The following KDM6A variants were observed in gnomAD, a reference collection of about 807,000 sequenced individuals.
KDM6A encodes the protein lysine demethylase 6A, also known as lysine-specific demethylase 6A.
Under a neutral mutation model 117.6 loss-of-function variants are expected in KDM6A, and 11 were observed. That is an observed-to-expected ratio of 0.09 (90% CI 0.06 to 0.15). KDM6A has a LOEUF of 0.15. Among genes scored for constraint, KDM6A ranks in the 10% least tolerant of loss-of-function variants. KDM6A has a pLI of 1.00. For synonymous variants in KDM6A, 384 were observed against 396.1 expected (o/e 0.97, Z 0.36); for missense variants, 799 against 1,077.3 (o/e 0.74, Z 3.62).
rs1456586237 is a variant in KDM6A at position 44,911,190 on chromosome X, C to T, written c.225+37203C>T. On this transcript the variant is annotated intron_variant, in intron 2 of 29. Transcript: ENST00000611820. ...CGGGGGCTGCCCCCCACCTCCCGGACGGGGTGGCTGCCGGGCGGAGACACT... is the reference window on the plus strand; with the variant it reads ...CGGGGGCTGCCCCCCACCTCCCGGATGGGGTGGCTGCCGGGCGGAGACACT... Among the ~76,000 whole-genome samples the T allele has an allele frequency of 1.7e-4, 18 of 108,317 alleles. No homozygotes were observed. In the South Asian group the frequency reaches 3.2e-3, roughly 19 times the overall value. 94.1% of individuals were successfully genotyped at this position (108,317 alleles called of 115,157 possible).
chrX:45,057,380 C>G (rs1343150024), intron 10 of KDM6A, among the ~76,000 whole-genome samples: 1 of 111,380 alleles, frequency 9.0e-6, no homozygotes, highest in African/African-American at 3.3e-5. Context: ...CAGCCCCCAC[C>G]CTGTGAACAT....
At chrX:45,076,012 A>T (rs2045096357) in intron 18 of KDM6A, among the ~76,000 whole-genome samples, 1 of 111,487 alleles carries the variant, frequency 9.0e-6, no homozygotes, top group South Asian at 3.7e-4. Flanking sequence ...TTGTACTGAA[A>T]GAATTATTGT....
intron 2 of KDM6A, among the ~76,000 whole-genome samples, chrX:44,903,721 G>A (rs1171140165): frequency 9.0e-6 from 1 of 110,931 alleles, no homozygotes; most frequent in East Asian, 2.8e-4. Flanking sequence ...GAATATTTGA[G>A]GCTGTCGAGC....
At chrX:44,997,393 C>T (rs1320300247) in intron 4 of KDM6A, among the ~76,000 whole-genome samples, 5 of 111,813 alleles carry the variant, frequency 4.5e-5, no homozygotes, top group Non-Finnish European at 7.5e-5. Flanking sequence ...AGTGGCCTGC[C>T]GGTGTGCCAG....
intron 8 of KDM6A, among the ~76,000 whole-genome samples, chrX:45,040,386 C>G (rs866041914): frequency 3.4e-4 from 31 of 90,522 alleles, no homozygotes; most frequent in African/African-American, 1.2e-3. Flanking sequence ...GGGCGGCTGG[C>G]CAGGCGGGGG....
intron 6 of KDM6A, among the ~76,000 whole-genome samples, chrX:45,027,951 G>A (rs1307971625): frequency 9.1e-6 from 1 of 110,051 alleles, no homozygotes; most frequent in Non-Finnish European, 1.9e-5. Flanking sequence ...ATGCCACCAC[G>A]CCCGGCTAAT....
chrX:45,031,650 G>T (rs1392731847), intron 6 of KDM6A, among the ~76,000 whole-genome samples: 1 of 111,595 alleles, frequency 9.0e-6, no homozygotes, highest in Non-Finnish European at 1.9e-5. Context: ...TACATAATTT[G>T]TCAATTGCAA....
chrX:44,911,178 C>G (rs2035106119), intron 2 of KDM6A, among the ~76,000 whole-genome samples: 1 of 108,857 alleles, frequency 9.2e-6, no homozygotes, highest in South Asian at 3.9e-4. Flanking sequence ...GGGCTGCCCC[C>G]CACCTCCCGG....
At chrX:44,879,547 AAATT>A (rs781003384) in intron 2 of KDM6A, among the ~76,000 whole-genome samples, 7 of 112,552 alleles carry the variant, frequency 6.2e-5, no homozygotes, top group African/African-American at 2.3e-4. Flanking sequence ...TCGTGACAGT[AAATT>A]AAAACAGTAT....
chrX:45,000,077 A>C (rs1166226665), intron 4 of KDM6A, among the ~76,000 whole-genome samples: 1 of 111,636 alleles, frequency 9.0e-6, no homozygotes, highest in Admixed American at 9.5e-5. Context: ...TTGAGTTTTC[A>C]TCATGACGCA....
chrX:45,098,387 A>G (rs2046198665), intron 27 of KDM6A, among the ~76,000 whole-genome samples: 1 of 112,984 alleles, frequency 8.9e-6, no homozygotes, highest in Non-Finnish European at 1.9e-5. Flanking sequence ...GACAAAGATT[A>G]GAGGGTAAAA....
intron 8 of KDM6A, among the ~76,000 whole-genome samples, chrX:45,040,606 G>A (rs1333162154): frequency 1.2e-5 from 1 of 82,331 alleles, no homozygotes; most frequent in African/African-American, 5.3e-5. Flanking sequence ...CGGACGGGGC[G>A]GCTGGCCAGG....
chrX:44,978,926 G>A (rs1288593886), intron 4 of KDM6A, among the ~76,000 whole-genome samples: 1 of 112,239 alleles, frequency 8.9e-6, no homozygotes, highest in Non-Finnish European at 1.9e-5. Flanking sequence ...TCAGTAGTAT[G>A]TTCTTTTTCA....
At chrX:44,943,652 A>G (rs1020351983) in intron 2 of KDM6A, among the ~76,000 whole-genome samples, 1 of 112,142 alleles carries the variant, frequency 8.9e-6, no homozygotes, top group African/African-American at 3.2e-5. Flanking sequence ...ATAGTATTCC[A>G]TTGTATAGAT....
intron 2 of KDM6A, among the ~76,000 whole-genome samples, chrX:44,906,181 TTCTC>T (rs1327197657): frequency 9.0e-6 from 1 of 111,686 alleles, no homozygotes; most frequent in African/African-American, 3.3e-5. Context: ...GACACAGTCT[TTCTC>T]TGTAGCTCAG....
chrX:45,107,308 T>C, intron 27 of KDM6A, 102 bp from the exon 28 acceptor site: 1 of 810,631 alleles, frequency 1.2e-6, no homozygotes, highest in Non-Finnish European at 1.9e-6. Flanking sequence ...TCATAGACAT[T>C]AGAATCAAGT....
At chrX:45,032,312 C>G (rs1271368436) in intron 6 of KDM6A, among the ~76,000 whole-genome samples, 1 of 111,268 alleles carries the variant, frequency 9.0e-6, no homozygotes, top group Non-Finnish European at 1.9e-5. Context: ...GTCCTTTCTA[C>G]TGGTGTATAT....
intron 24 of KDM6A, among the ~76,000 whole-genome samples, chrX:45,084,955 T>G (rs2045582414): frequency 9.0e-6 from 1 of 111,643 alleles, no homozygotes; most frequent in African/African-American, 3.3e-5. Context: ...GTGGGTGGGT[T>G]GGTTGGTTTT....
intron 2 of KDM6A, among the ~76,000 whole-genome samples, chrX:44,894,702 G>A (rs1414389718): frequency 1.9e-5 from 2 of 107,300 alleles, no homozygotes; most frequent in Admixed American, 1.0e-4. Context: ...TGCAACCTCC[G>A]GCTCCTGGGT....
Sources: allele counts gnomAD v4.1 joint callset (sites outside exome capture counted in the v4.1 genomes callset), GRCh38; gene constraint gnomAD v4.1.1; transcripts MANE v1.5; gene names NCBI Gene and HGNC (gene_info 2026-07-23, HGNC 2026-07-21).